TLE1: variants seen among roughly 807,000 people sequenced by gnomAD.
TLE1 encodes the protein TLE family member 1, transcriptional corepressor.
TLE1 carries 21 observed loss-of-function variants against 89.8 expected under a neutral mutation model. That is an observed-to-expected ratio of 0.23 (90% CI 0.17 to 0.34). The LOEUF (loss-of-function observed/expected upper bound fraction) is 0.34. TLE1 is among the 10% of genes least tolerant of loss of function. The probability of loss-of-function intolerance (pLI) is 1.00; values close to 1 mark genes in which losing one functional copy is unlikely to be tolerated. For missense variants in TLE1, 795 were observed against 1,031.2 expected, an observed-to-expected ratio of 0.77 and a Z score of 3.14; for synonymous variants, 447 against 407.6, an observed-to-expected ratio of 1.10 and a Z score of -1.16.
chr9:81,610,105 C>T (rs1823503544), intron 14 of TLE1, 115 bp downstream of exon 14: 1 of 881,868 alleles, frequency 1.1e-6, no homozygotes, highest in Non-Finnish European at 1.8e-6. Flanking sequence ...GGAAAAGACA[C>T]CAGAAATCTC....
intron 4 of TLE1, among the ~76,000 whole-genome samples, chr9:81,684,980 T>C (rs950421613): frequency 6.6e-6 from 1 of 152,206 alleles, no homozygotes; most frequent in Non-Finnish European, 1.5e-5. Context: ...ATAGTAGCCA[T>C]AAGTGTGAAT....
At position 81,674,345 on chromosome 9, in the gene TLE1, A is replaced by AGGCATCAAGAG. The variant is rs1832621308; in HGVS notation, c.234+11320_234+11330dup. Among the ~76,000 whole-genome samples, 2 of 152,172 alleles carry AGGCATCAAGAG rather than the reference A, an allele frequency of 1.3e-5. 1 individual carries two copies. Among genetic ancestry groups the AGGCATCAAGAG allele is most frequent in the South Asian group, 4.1e-4 (2 of 4,826 alleles). On this transcript the variant is annotated intron_variant, in intron 4 of 19. Transcript: ENST00000376499. Reference sequence around the variant, plus strand: ...GAAGCTCTGACCAGCTGTTTGCTCAAGGCATCAAGAGGGCACCAAGAGGAA... The same window carrying AGGCATCAAGAG: ...GAAGCTCTGACCAGCTGTTTGCTCAAGGCATCAAGAGGGCATCAAGAGGGCACCAAGAGGAA...
intron 4 of TLE1, among the ~76,000 whole-genome samples, chr9:81,657,848 T>C (rs1830323744): frequency 6.6e-6 from 1 of 151,970 alleles, no homozygotes; most frequent in Non-Finnish European, 1.5e-5. Flanking sequence ...ATGGTTGTTG[T>C]ATTATTTAGG....
At chr9:81,601,680 C>A (rs747561328) in intron 14 of TLE1, among the ~76,000 whole-genome samples, 1 of 151,790 alleles carries the variant, frequency 6.6e-6, no homozygotes, top group Non-Finnish European at 1.5e-5. Context: ...GAATAAATGT[C>A]CTAAAACTAA....
At chr9:81,596,616 A>C (rs1301567003) in intron 14 of TLE1, among the ~76,000 whole-genome samples, 1 of 152,214 alleles carries the variant, frequency 6.6e-6, no homozygotes, top group Non-Finnish European at 1.5e-5. Flanking sequence ...GGAATGTATA[A>C]ACAGATAGTG....
At chr9:81,663,353 A>T (rs1318934159) in intron 4 of TLE1, among the ~76,000 whole-genome samples, 1 of 89,526 alleles carries the variant, frequency 1.1e-5, no homozygotes, top group Non-Finnish European at 2.4e-5. Flanking sequence ...TAGAGCAAGA[A>T]GCCACATATT....
In TLE1 at chr9:81,685,691, A is replaced by T. The variant is rs142563667; in HGVS notation, c.219T>A (p.Ile73=). 4 of 1,613,662 alleles carry T rather than the reference A, an allele frequency of 2.5e-6. No individual in the cohort carries two copies. In the East Asian group the frequency reaches 8.9e-5, roughly 36 times the overall value. ...MYYEMSYGLN[I]EMHKQTEIAK... The stretch of plus-strand genomic sequence containing the variant: ...TAAAGCTTACCTGTTTGTGCATTTC[A>T]ATGTTTAATCCATATGACATTTCAT... Residue 73 remains isoleucine, a synonymous_variant, in exon 4 of 20, where the codon ATT becomes ATA. Transcript: ENST00000376499.
intron 16 of TLE1, 116 bp from the exon 17 acceptor site, chr9:81,587,944 G>GTGTGTGTGTGTGTGTGTA: frequency 8.3e-7 from 1 of 1,208,300 alleles, no homozygotes; most frequent in Non-Finnish European, 1.1e-6. Context: ...GTGTGTGTGT[G>GTGTGTGTGTGTGTGTGTA]TGATCCCGCC....
chr9:81,649,838 T>C (rs1829324399), intron 6 of TLE1, among the ~76,000 whole-genome samples: 1 of 152,200 alleles, frequency 6.6e-6, no homozygotes, highest in South Asian at 2.1e-4. Flanking sequence ...CCCAATTTTA[T>C]GCTACTTCAA....
intron 4 of TLE1, among the ~76,000 whole-genome samples, chr9:81,657,079 C>T (rs1297221327): frequency 3.3e-5 from 5 of 152,296 alleles, no homozygotes; most frequent in Non-Finnish European, 5.9e-5. Flanking sequence ...ATTTGCATTA[C>T]TTGAATTCTT....
At chr9:81,640,657 C>G (rs1029390405) in intron 6 of TLE1, among the ~76,000 whole-genome samples, 1 of 152,188 alleles carries the variant, frequency 6.6e-6, no homozygotes, top group African/African-American at 2.4e-5. Flanking sequence ...CAAACAACAG[C>G]CACGCATTGA....
intron 4 of TLE1, among the ~76,000 whole-genome samples, chr9:81,681,007 A>C (rs1833553320): frequency 6.6e-6 from 1 of 152,170 alleles, no homozygotes; most frequent in African/African-American, 2.4e-5. Context: ...AATATCCCAC[A>C]GGTGAGTCCC....
At position 81,593,230 on chromosome 9, in the gene TLE1, A is replaced by G; in HGVS notation, c.1376T>C (p.Val459Ala). The G allele has an allele frequency of 1.2e-6, 2 of 1,614,154 alleles. No homozygotes were observed. Among genetic ancestry groups the G allele is most frequent in the Non-Finnish European group, 1.7e-6 (2 of 1,180,016 alleles). The change falls in exon 15 of 20, where the codon GTC becomes GCC. Residue 459 changes from valine (V) to alanine (A), a missense_variant. This residue lies in a region of TLE1 where 468 missense variants were observed against 509.1 expected (regional missense o/e 0.92). Coordinates refer to ENST00000376499, the MANE Select transcript of TLE1 (RefSeq NM_005077.5). ...HVTADGQMQP[V>A]PFPPDALIGP... ...GATGAGGGCGTCGGGGGGAAAAGGG[A>G]CAGGCTGCATCTGACCGTCTGCAGT...
intron 2 of TLE1, among the ~76,000 whole-genome samples, chr9:81,687,107 AC>A (rs1346978545): frequency 6.6e-6 from 1 of 152,270 alleles, no homozygotes; most frequent in Non-Finnish European, 1.5e-5. Flanking sequence ...ACTCCCTGGA[AC>A]AGTGCAAACC....
chr9:81,617,783 T>C (rs2132143230), intron 9 of TLE1, among the ~76,000 whole-genome samples: 1 of 152,188 alleles, frequency 6.6e-6, no homozygotes, highest in African/African-American at 2.4e-5. Context: ...CCCAGCACTT[T>C]GGGAGGCCGA....
At chr9:81,672,074 C>T (rs1181077221) in intron 4 of TLE1, among the ~76,000 whole-genome samples, 2 of 152,180 alleles carry the variant, frequency 1.3e-5, no homozygotes, top group African/African-American at 4.8e-5. Flanking sequence ...AGGGCCACTT[C>T]TCAAGCTAAG....
At chr9:81,641,351 C>T (rs62576168) in intron 6 of TLE1, among the ~76,000 whole-genome samples, 14 of 152,132 alleles carry the variant, frequency 9.2e-5, no homozygotes, top group South Asian at 2.1e-4. Flanking sequence ...TGGCCTCTCA[C>T]GTAAAGAGGG....
intron 6 of TLE1, among the ~76,000 whole-genome samples, chr9:81,648,306 C>T (rs1829119729): frequency 6.7e-6 from 1 of 149,942 alleles, no homozygotes; most frequent in African/African-American, 2.5e-5. Context: ...TTTAGCTCTT[C>T]TTTCACATGC....
intron 8 of TLE1, among the ~76,000 whole-genome samples, chr9:81,629,817 T>TA (rs1483562615): frequency 6.6e-6 from 1 of 152,168 alleles, no homozygotes; most frequent in African/African-American, 2.4e-5. Context: ...AATACGGTGT[T>TA]ATACACTTAG....
Sources: allele counts gnomAD v4.1 joint callset (sites outside exome capture counted in the v4.1 genomes callset), GRCh38; gene constraint gnomAD v4.1.1; regional missense constraint gnomAD v4.1.1; transcripts MANE v1.5; gene names NCBI Gene and HGNC (gene_info 2026-07-23, HGNC 2026-07-21).